The following CCBE1 variants were observed in gnomAD, a reference collection of about 807,000 sequenced individuals.
CCBE1 encodes the protein collagen and calcium binding EGF domains 1.
A neutral mutation model predicts 50.0 loss-of-function variants in CCBE1; 37 were observed. That is an observed-to-expected ratio of 0.74 (90% confidence interval 0.57 to 0.97). The LOEUF (loss-of-function observed/expected upper bound fraction) is 0.97, where lower values mean the gene tolerates loss of function less well. Among genes scored for constraint, CCBE1 ranks in the 50% least tolerant of loss-of-function variants. CCBE1 has a pLI of 0.00. For synonymous variants in CCBE1, 234 were observed against 203.7 expected (o/e 1.15, Z -1.27); for missense variants, 538 against 523.8 (o/e 1.03, Z -0.26).
At chr18:59,470,758 A>G (rs1235240279) in intron 3 of CCBE1, among the ~76,000 whole-genome samples, 3 of 152,118 alleles carry the variant, frequency 2.0e-5, no homozygotes, top group Non-Finnish European at 1.5e-5. Context: ...TCCTTGCACT[A>G]TCTCTTCCAG....
intron 2 of CCBE1, among the ~76,000 whole-genome samples, chr18:59,671,317 C>T (rs1037823518): frequency 6.6e-6 from 1 of 151,966 alleles, no homozygotes; most frequent in African/African-American, 2.4e-5. Context: ...GCCTGGGCAA[C>T]AGGGCAAAAC....
intron 2 of CCBE1, among the ~76,000 whole-genome samples, chr18:59,623,366 T>C (rs747146847): frequency 9.9e-5 from 15 of 152,178 alleles, no homozygotes; most frequent in Non-Finnish European, 1.6e-4. Flanking sequence ...TCTCCCATTG[T>C]ACAAAAGGGA....
At chr18:59,546,616 C>A (rs77214279) in intron 2 of CCBE1, among the ~76,000 whole-genome samples, 11,224 of 152,242 alleles carry the variant, frequency 0.074, 478 homozygotes, top group African/African-American at 0.097. Flanking sequence ...AAACAAAATC[C>A]TTGATCTATT....
chr18:59,581,439 C>CAAAA (rs10676136), intron 2 of CCBE1, among the ~76,000 whole-genome samples: 2 of 133,308 alleles, frequency 1.5e-5, no homozygotes, highest in Middle Eastern at 4.0e-3. Context: ...GACTCCATCT[C>CAAAA]AAAAAAAAAA....
chr18:59,594,635 AGT>A (rs1229965753), intron 2 of CCBE1, among the ~76,000 whole-genome samples: 3 of 152,186 alleles, frequency 2.0e-5, no homozygotes, highest in African/African-American at 7.2e-5. Context: ...CTGCTTGGAA[AGT>A]GAACTTTCTT....
upstream of CCBE1, chr18:59,697,435 C>T (rs2054827227): frequency 6.8e-6 from 10 of 1,480,998 alleles, no homozygotes; most frequent in South Asian, 1.2e-4. Flanking sequence ...CTCTTCCCGG[C>T]AGGGGGCGCC....
At chr18:59,510,168 A>G (rs1914069157) in intron 2 of CCBE1, among the ~76,000 whole-genome samples, 1 of 152,026 alleles carries the variant, frequency 6.6e-6, no homozygotes, top group South Asian at 2.1e-4. Context: ...CTGGGTATCT[A>G]TTTTTCCTGC....
chr18:59,507,463 G>T (rs1913928394), intron 2 of CCBE1, among the ~76,000 whole-genome samples: 2 of 152,228 alleles, frequency 1.3e-5, no homozygotes, highest in Admixed American at 1.3e-4. Context: ...TGCCCAGGGT[G>T]ACATTGTTCA....
intron 2 of CCBE1, among the ~76,000 whole-genome samples, chr18:59,632,481 C>A (rs2053862011): frequency 6.6e-6 from 1 of 152,208 alleles, no homozygotes; most frequent in African/African-American, 2.4e-5. Context: ...ACTATGTTGG[C>A]CAGGCTGGTC....
intron 3 of CCBE1, among the ~76,000 whole-genome samples, chr18:59,474,723 G>A (rs1912226230): frequency 6.6e-6 from 1 of 152,218 alleles, no homozygotes; most frequent in African/African-American, 2.4e-5. Flanking sequence ...CAGAGGACAA[G>A]ATCCAGGAGT....
intron 2 of CCBE1, among the ~76,000 whole-genome samples, chr18:59,521,816 A>C (rs1020871931): frequency 1.3e-5 from 2 of 152,368 alleles, no homozygotes; most frequent in Non-Finnish European, 2.9e-5. Flanking sequence ...AACTTGGTGG[A>C]CATCGACAAA....
intron 2 of CCBE1, among the ~76,000 whole-genome samples, chr18:59,606,525 G>C (rs2053501097): frequency 6.6e-6 from 1 of 152,108 alleles, no homozygotes; most frequent in Non-Finnish European, 1.5e-5. Flanking sequence ...ACTCTTCAAA[G>C]ATAACATCCC....
intron 2 of CCBE1, among the ~76,000 whole-genome samples, chr18:59,571,000 G>A (rs984201040): frequency 6.6e-6 from 1 of 152,124 alleles, no homozygotes; most frequent in African/African-American, 2.4e-5. Context: ...AGAGTAAGTC[G>A]ACTGCTGAGT....
intron 2 of CCBE1, among the ~76,000 whole-genome samples, chr18:59,541,902 C>G (rs1915480806): frequency 6.6e-6 from 1 of 151,904 alleles, no homozygotes; most frequent in African/African-American, 2.4e-5. Context: ...TGTGGCCAAG[C>G]ATGGTGGCTC....
chr18:59,614,098 A>C (rs1257441011), intron 2 of CCBE1, among the ~76,000 whole-genome samples: 2 of 152,040 alleles, frequency 1.3e-5, no homozygotes, highest in Non-Finnish European at 2.9e-5. Context: ...CTCTGCCTCG[A>C]AGGTTCAAGA....
intron 2 of CCBE1, among the ~76,000 whole-genome samples, chr18:59,487,528 T>G (rs750569753): frequency 6.6e-6 from 1 of 152,156 alleles, no homozygotes; most frequent in African/African-American, 2.4e-5. Flanking sequence ...GTTCCAGCCT[T>G]TTAGCCAGAA....
chr18:59,613,862 G>GGTTGTTTTTTTTTTT (rs1568234629), intron 2 of CCBE1, among the ~76,000 whole-genome samples: 28 of 98,782 alleles, frequency 2.8e-4, no homozygotes, highest in African/African-American at 1.3e-3. Context: ...TTCTCTGATG[G>GGTTGTTTTTTTTTTT]GTTTTTTTTT....
chr18:59,607,702 A>C (rs17780707), intron 2 of CCBE1, among the ~76,000 whole-genome samples: 54,401 of 152,086 alleles, frequency 0.36, 10,104 homozygotes, highest in East Asian at 0.62. Context: ...GACTCAACCA[A>C]GGTTCAAATC....
At chr18:59,563,061 G>A (rs2052765537) in intron 2 of CCBE1, among the ~76,000 whole-genome samples, 1 of 152,284 alleles carries the variant, frequency 6.6e-6, no homozygotes, top group South Asian at 2.1e-4. Flanking sequence ...CTGTATCCAC[G>A]ATTAGACTAG....
Sources: gnomAD v4.1 joint callset for allele counts (sites outside exome capture counted in the v4.1 genomes callset) on GRCh38, gnomAD v4.1.1 for gene constraint, MANE v1.5 for transcripts, NCBI Gene and HGNC (gene_info 2026-07-23, HGNC 2026-07-21) for gene names.